TRMT13: variants seen among roughly 807,000 people sequenced by gnomAD.
TRMT13 encodes the protein tRNA:m(4)X modification enzyme TRM13 homolog.
Under a neutral mutation model 55.9 loss-of-function variants are expected in TRMT13, and 45 were observed. That is an observed-to-expected ratio of 0.80 (90% CI 0.63 to 1.03). TRMT13 has a LOEUF of 1.03. Among genes scored for constraint, TRMT13 ranks in the 50% least tolerant of loss-of-function variants. The probability of loss-of-function intolerance (pLI) is 0.00; values close to 1 mark genes in which losing one functional copy is unlikely to be tolerated. For synonymous variants in TRMT13, 183 were observed against 196.3 expected (o/e 0.93, Z 0.57); for missense variants, 513 against 563.9 (o/e 0.91, Z 0.91).
At chr1:100,140,742 C>A in intron 6 of TRMT13, 110 bp from the exon 7 acceptor site, 1 of 1,136,336 alleles carries the variant, frequency 8.8e-7, no homozygotes, top group Non-Finnish European at 1.2e-6. Context: ...AAGTCAAATA[C>A]AAATTATCAA....
At chr1:100,140,312 G>C in intron 5 of TRMT13, 61 bp downstream of exon 5, 1 of 1,538,814 alleles carries the variant, frequency 6.5e-7, no homozygotes, top group East Asian at 2.3e-5. Context: ...TATATGAGTT[G>C]ATACCATTCT....
intron 6 of TRMT13, 43 bp downstream of exon 6, chr1:100,140,557 A>T: frequency 7.3e-7 from 1 of 1,376,616 alleles, no homozygotes; most frequent in South Asian, 1.2e-5. Flanking sequence ...GCCTTTGTTC[A>T]TTTGTTAAAA....
intron 9 of TRMT13, among the ~76,000 whole-genome samples, chr1:100,145,598 T>C (rs562608063): frequency 5.4e-4 from 83 of 152,304 alleles, no homozygotes; most frequent in Middle Eastern, 3.4e-3. Flanking sequence ...AATACTAATA[T>C]TCAGGCCAGG....
Position 100,137,092 on chromosome 1 carries a change from G to A in TRMT13, c.261+7G>A. On this transcript the variant is annotated splice_region_variant and intron_variant, in intron 3 of 10. Transcript: ENST00000370141. Reference sequence around the variant, plus strand: ...AAGAGAGAAACCAAAACCTGTAAGTGTTTGATCAGTAAAATTGAATGGTGA... The same window carrying A: ...AAGAGAGAAACCAAAACCTGTAAGTATTTGATCAGTAAAATTGAATGGTGA... The A allele has an allele frequency of 1.2e-6, 2 of 1,606,894 alleles. No homozygotes were observed. Among genetic ancestry groups the A allele is most frequent in the East Asian group, 2.2e-5 (1 of 44,816 alleles).
intron 1 of TRMT13, among the ~76,000 whole-genome samples, chr1:100,135,260 A>G (rs1418603542): frequency 6.6e-6 from 1 of 151,676 alleles, no homozygotes; most frequent in Non-Finnish European, 1.5e-5. Context: ...TTTTTTTCCT[A>G]TGCTACAGTT....
intron 1 of TRMT13, among the ~76,000 whole-genome samples, chr1:100,136,303 A>G (rs1655857461): frequency 6.6e-6 from 1 of 152,204 alleles, no homozygotes; most frequent in South Asian, 2.1e-4. Context: ...ACATCTTAAA[A>G]TCCATATGTC....
At chr1:100,143,284 A>C (rs1269007450) in intron 8 of TRMT13, 75 bp downstream of exon 8, 12 of 884,342 alleles carry the variant, frequency 1.4e-5, no homozygotes, top group Middle Eastern at 2.2e-4. Context: ...TTAGAAATCC[A>C]ATCATGCAGA....
At chr1:100,140,011 A>G (rs1191396754) in intron 4 of TRMT13, among the ~76,000 whole-genome samples, 171 bp from the exon 5 acceptor site, 2 of 152,242 alleles carry the variant, frequency 1.3e-5, no homozygotes, top group African/African-American at 2.4e-5. Flanking sequence ...AAGACGGAGT[A>G]GAAATTTAGC....
Position 100,141,038 on chromosome 1 carries a change from C to G in TRMT13, c.669+19C>G. 1 of 1,584,684 alleles carries G rather than the reference C, an allele frequency of 6.3e-7. No homozygotes were observed. Among genetic ancestry groups the G allele is most frequent in the Non-Finnish European group, 8.6e-7 (1 of 1,165,960 alleles). On this transcript the variant is annotated intron_variant, in intron 7 of 10. Transcript: ENST00000370141. ...ATTCAAGGTAAGTGAAACCATTGCT[C>G]TGTGTTAGTAACCAAACTTGTTTTC...
intron 1 of TRMT13, among the ~76,000 whole-genome samples, chr1:100,136,055 T>C (rs1458370217): frequency 6.6e-6 from 1 of 152,214 alleles, no homozygotes; most frequent in East Asian, 1.9e-4. Context: ...GGCTATACTA[T>C]CTAGGTTTGT....
At chr1:100,147,873 G>C (rs1031957020) in intron 9 of TRMT13, 21 bp from the exon 10 acceptor site, 4 of 1,560,030 alleles carry the variant, frequency 2.6e-6, no homozygotes, top group South Asian at 1.2e-5. Flanking sequence ...GTTTGGGGGG[G>C]CCACATAATT....
rs779101176 is a variant in TRMT13, at chr1:100,133,264, G to A, written c.96G>A (p.Met32Ile). 1.2e-6 allele frequency: 2 copies of A among 1,614,106 alleles called. No individual in the cohort carries two copies. Among genetic ancestry groups the A allele is most frequent in the Non-Finnish European group, 1.7e-6 (2 of 1,179,968 alleles). ...YVEKKKRFCR[M>I]VVAAGKRFCG... ...AAAAGAAGAAACGGTTCTGCAGGAT[G>A]GTGGTGGCCGCAGGGAAAAGATTTT... Residue 32 changes from methionine (M) to isoleucine (I), a missense_variant, in exon 1 of 11, where the codon ATG becomes ATA. By Grantham distance (10) the Met-to-Ile change is conservative. Around this residue, in one of 3 missense-constraint regions of TRMT13, gnomAD observed 298 missense variants for 290.3 expected, o/e 1.03. Transcript: ENST00000370141.
At chr1:100,138,637 C>T (rs918403541) in intron 3 of TRMT13, among the ~76,000 whole-genome samples, 1 of 152,206 alleles carries the variant, frequency 6.6e-6, no homozygotes. Context: ...ATTTACTACA[C>T]ATAACATAAT....
intron 6 of TRMT13, 49 bp downstream of exon 6, chr1:100,140,563 T>C: frequency 7.6e-7 from 1 of 1,323,220 alleles, no homozygotes; most frequent in Non-Finnish European, 1.1e-6. Context: ...GTTCATTTGT[T>C]AAAACTGTTT....
chr1:100,145,841 A>C (rs1418232739), intron 9 of TRMT13, among the ~76,000 whole-genome samples: 2 of 152,254 alleles, frequency 1.3e-5, no homozygotes, highest in Admixed American at 1.3e-4. Context: ...ACTGCACTGC[A>C]GCCTGGGTGA....
chr1:100,138,454 C>T (rs1020304837), intron 3 of TRMT13, among the ~76,000 whole-genome samples: 3 of 151,834 alleles, frequency 2.0e-5, no homozygotes, highest in Non-Finnish European at 2.9e-5. Flanking sequence ...CATTGTAATT[C>T]CTGCAGTAAA....
At position 100,150,171 on chromosome 1, in the gene TRMT13, A is replaced by G. The variant is rs1000091392; in HGVS notation, c.*1351A>G. 2.0e-5 allele frequency: 3 copies of G among 152,252 alleles called. No homozygotes were observed. The highest frequency in any genetic ancestry group is 7.2e-5 in the African/African-American group (3 of 41,462). The allele number at this position is 152,252 out of a possible 1,614,324, so 9.4% of individuals were successfully genotyped here. On this transcript the variant is annotated 3_prime_UTR_variant, in exon 11 of 11. Coordinates refer to ENST00000370141, the MANE Select transcript of TRMT13 (RefSeq NM_019083.3). ...ATAACACAAGTAAAATGCATAGAAC[A>G]GTTCCAAGCACAGAGTAATTCAATA...
intron 8 of TRMT13, 76 bp from the exon 9 acceptor site, chr1:100,143,993 T>G: frequency 8.0e-7 from 1 of 1,243,558 alleles, no homozygotes; most frequent in Non-Finnish European, 1.2e-6. Context: ...GAGACTCTAA[T>G]TAGTTCTTTC....
chr1:100,148,997 G>T lies in TRMT13; in HGVS notation c.*177G>T, dbSNP rs1333086146. The T allele has an allele frequency of 1.4e-6, 2 of 1,468,524 alleles. No individual in the cohort carries two copies. The highest frequency in any genetic ancestry group is 4.8e-5 in the Admixed American group (2 of 41,572). 91.0% of individuals were successfully genotyped at this position (1,468,524 alleles called of 1,614,324 possible). On this transcript the variant is annotated 3_prime_UTR_variant, in exon 11 of 11. Transcript: ENST00000370141. ...TTACTTCAGAAATCCAAACATTAGA[G>T]AATTCACCAAAGTAATCCTCTTTAG...
Sources: allele counts gnomAD v4.1 joint callset (sites outside exome capture counted in the v4.1 genomes callset), GRCh38; gene constraint gnomAD v4.1.1; regional missense constraint gnomAD v4.1.1; transcripts MANE v1.5; gene names NCBI Gene and HGNC (gene_info 2026-07-23, HGNC 2026-07-21).